The following DNAH7 variants were observed in gnomAD, a reference collection of about 807,000 sequenced individuals.
The protein encoded by DNAH7 is dynein axonemal heavy chain 7.
In DNAH7, 397 loss-of-function variants were observed where a neutral mutation model predicts 444.6. That is an observed-to-expected ratio of 0.89 (90% CI 0.82 to 0.97). DNAH7 has a LOEUF of 0.97. DNAH7 is among the 50% of genes least tolerant of loss of function. The pLI is 0.00. For synonymous variants in DNAH7, 1,636 were observed against 1,624.4 expected, an observed-to-expected ratio of 1.01 and a Z score of -0.17; for missense variants, 4,902 against 4,800.8, an observed-to-expected ratio of 1.02 and a Z score of -0.62.
At chr2:195,992,608 A>G (rs535539387) in intron 12 of DNAH7, among the ~76,000 whole-genome samples, 1 of 152,348 alleles carries the variant, frequency 6.6e-6, no homozygotes, top group Non-Finnish European at 1.5e-5. Context: ...GGTCAGGCAC[A>G]TAGCATTTCA....
chr2:195,763,815 T>C (rs1694452359), intron 61 of DNAH7, among the ~76,000 whole-genome samples: 1 of 151,836 alleles, frequency 6.6e-6, no homozygotes, highest in Admixed American at 6.6e-5. Context: ...TAAAGAAGAA[T>C]ACCAATCCTA....
chr2:195,899,589 TA>T (rs1318900283), intron 28 of DNAH7, among the ~76,000 whole-genome samples: 2 of 152,232 alleles, frequency 1.3e-5, no homozygotes, highest in African/African-American at 2.4e-5. Flanking sequence ...TTATGGAAGA[TA>T]AAAATGCATC....
At chr2:195,778,695 T>C (rs13021146) in intron 58 of DNAH7, among the ~76,000 whole-genome samples, 10 of 89,830 alleles carry the variant, frequency 1.1e-4, no homozygotes, top group African/African-American at 3.3e-4. Context: ...TATATACACA[T>C]ATATATATAC....
At chr2:195,957,471 CTTA>C in intron 18 of DNAH7, 24 bp from the exon 19 acceptor site, 3 of 1,471,894 alleles carry the variant, frequency 2.0e-6, no homozygotes, top group Non-Finnish European at 2.7e-6. Context: ...CACAGTGGCT[CTTA>C]CTGACAGCAA....
At chr2:195,825,713 G>T (rs1176231040) in intron 48 of DNAH7, among the ~76,000 whole-genome samples, 1 of 152,196 alleles carries the variant, frequency 6.6e-6, no homozygotes, top group Non-Finnish European at 1.5e-5. Context: ...TGTTTGGGAT[G>T]CTATCATAGC....
chr2:196,031,930 C>T (rs963526858), intron 5 of DNAH7, among the ~76,000 whole-genome samples: 1 of 152,220 alleles, frequency 6.6e-6, no homozygotes, highest in African/African-American at 2.4e-5. Context: ...GTTGCTTCCA[C>T]ATTTTCACAT....
At chr2:195,929,815 A>G (rs1290121977) in intron 21 of DNAH7, among the ~76,000 whole-genome samples, 2 of 152,260 alleles carry the variant, frequency 1.3e-5, no homozygotes, top group East Asian at 3.8e-4. Flanking sequence ...GGTCTTGGGA[A>G]AGTATTTATG....
At chr2:195,930,138 A>G (rs988276808) in intron 21 of DNAH7, among the ~76,000 whole-genome samples, 1 of 152,120 alleles carries the variant, frequency 6.6e-6, no homozygotes, top group Non-Finnish European at 1.5e-5. Context: ...AGGTCAAGAG[A>G]TTGAGACCAT....
intron 21 of DNAH7, among the ~76,000 whole-genome samples, chr2:195,926,894 T>C (rs1688369475): frequency 1.3e-5 from 2 of 152,094 alleles, no homozygotes; most frequent in Non-Finnish European, 2.9e-5. Flanking sequence ...TGAGCAATTT[T>C]ACTGCAAAAT....
chr2:196,000,761 G>A lies in DNAH7; in HGVS notation c.1296C>T (p.Val432=). Reference sequence around the variant, plus strand: ...GCACAAAACTGACAGCTTTAATCATGACGTCATAAACATTTAGAAAGATAT... The same window carrying A: ...GCACAAAACTGACAGCTTTAATCATAACGTCATAAACATTTAGAAAGATAT... ...YIDIFLNVYD[V]MIKAVSFVPR... is the part of the protein sequence containing the mutation. Residue 432 remains valine, a synonymous_variant, in exon 12 of 65, where the codon GTC becomes GTT. Coordinates refer to ENST00000312428, the MANE Select transcript of DNAH7 (RefSeq NM_018897.3). The A allele has an allele frequency of 6.3e-7, 1 of 1,594,082 alleles. No individual in the cohort carries two copies. The highest frequency in any genetic ancestry group is 1.7e-4 in the Middle Eastern group (1 of 5,990).
At position 195,766,167 on chromosome 2, in the gene DNAH7, A is replaced by ATTTTTTTTTTTTTTTTTT. The variant is rs755912873; in HGVS notation, c.11433+5475_11433+5492dup. ...GTTCTCGTTTAATTTGTGGGAGCTAATTTTTTTTTTTTTTTTTTTTTTTTG... is the reference window on the plus strand; with the variant it reads ...GTTCTCGTTTAATTTGTGGGAGCTAATTTTTTTTTTTTTTTTTTTTTTTTTTTTTTTTTTTTTTTTTTG... On this transcript the variant is annotated intron_variant, in intron 61 of 64. Transcript: ENST00000312428. Among the ~76,000 whole-genome samples, 304 of 57,322 alleles carry ATTTTTTTTTTTTTTTTTT rather than the reference A, an allele frequency of 5.3e-3. 73 individuals carry two copies. The highest frequency in any genetic ancestry group is 0.012 in the Middle Eastern group (1 of 84). The allele number at this position is 57,322 out of a possible 152,430, so 37.6% of individuals were successfully genotyped here.
rs569407480 is a variant in DNAH7, at chr2:196,007,588, C to T, written c.989+5199G>A. Among the ~76,000 whole-genome samples the T allele has an allele frequency of 2.6e-5, 4 of 152,278 alleles. No individual in the cohort carries two copies. In the South Asian group the frequency reaches 8.3e-4, roughly 32 times the overall value. ...AAATCTCACCTTGAATTGTAATAAT[C>T]TCCATGTGTCAAAGCTGAGACCAGT... On this transcript the variant is annotated intron_variant, in intron 10 of 64. Coordinates refer to ENST00000312428, the MANE Select transcript of DNAH7 (RefSeq NM_018897.3).
At position 195,855,738 on chromosome 2, in the gene DNAH7, T is replaced by C. The variant is rs1160823411; in HGVS notation, c.8595+73A>G. 5 of 1,524,136 alleles carry C rather than the reference T, an allele frequency of 3.3e-6. No homozygotes were observed. The South Asian group carries it at 3.7e-5, about 11-fold the overall frequency. The allele number at this position is 1,524,136 out of a possible 1,614,324, so 94.4% of individuals were successfully genotyped here. A position where few individuals can be genotyped will look rare whatever the true frequency, so the allele number is the denominator to read the frequency against. On this transcript the variant is annotated intron_variant, in intron 45 of 64. Transcript: ENST00000312428. ...GGAAGGAAACAGGACTGGTGTGTTA[T>C]GTGCTAGTACGAACATCATTCTTAG...
In DNAH7 at chr2:195,875,558, A is replaced by G. The variant is rs1700999770; in HGVS notation, c.6286+117T>C. On this transcript the variant is annotated intron_variant, in intron 38 of 64. Coordinates refer to ENST00000312428, the MANE Select transcript of DNAH7 (RefSeq NM_018897.3). Reference sequence around the variant, plus strand: ...CTCTGTTAGGTCACAATAGATACACATAGAAAACATATACACAAAACACTG... The same window carrying G: ...CTCTGTTAGGTCACAATAGATACACGTAGAAAACATATACACAAAACACTG... 10 of 968,896 alleles carry G rather than the reference A, an allele frequency of 1.0e-5. No individual in the cohort carries two copies. The Middle Eastern group carries it at 1.0e-3, about 97-fold the overall frequency. 60.0% of individuals were successfully genotyped at this position (968,896 alleles called of 1,614,324 possible). A position where few individuals can be genotyped will look rare whatever the true frequency, so the allele number is the denominator to read the frequency against.
At position 196,005,307 on chromosome 2, in the gene DNAH7, A is replaced by ATAT. The variant is rs1553603510; in HGVS notation, c.990-3450_990-3449insATA. On this transcript the variant is annotated intron_variant, in intron 10 of 64. Transcript: ENST00000312428. The stretch of plus-strand genomic sequence containing the variant: ...ACAAACAAACAAACAAACAAACAAA[A>ATAT]ATATATATATATATATAACTAAACT... Among the ~76,000 whole-genome samples the ATAT allele has an allele frequency of 6.3e-3, 940 of 148,116 alleles. 5 individuals carry two copies. Among genetic ancestry groups the ATAT allele is most frequent in the African/African-American group, 0.022 (890 of 40,022 alleles).
chr2:195,771,565 T>C (rs1574406166), intron 61 of DNAH7, 95 bp downstream of exon 61: 1 of 914,428 alleles, frequency 1.1e-6, no homozygotes, highest in East Asian at 2.5e-5. Context: ...CCCAAAACAG[T>C]GCTTATACAG....
intron 63 of DNAH7, among the ~76,000 whole-genome samples, chr2:195,747,431 C>T (rs911724739): frequency 6.6e-6 from 1 of 152,206 alleles, no homozygotes; most frequent in Non-Finnish European, 1.5e-5. Context: ...TGGTACCATT[C>T]CTTCTGAAAC....
chr2:195,749,933 GTAAC>G (rs1693692023), intron 63 of DNAH7, among the ~76,000 whole-genome samples: 1 of 151,702 alleles, frequency 6.6e-6, no homozygotes, highest in Admixed American at 6.6e-5. Flanking sequence ...GTATACATAT[GTAAC>G]TAACCTGCAC....
At chr2:195,917,101 CAAAAAAAAAA>C (rs34903739) in intron 24 of DNAH7, among the ~76,000 whole-genome samples, 1 of 53,366 alleles carries the variant, frequency 1.9e-5, no homozygotes, top group South Asian at 8.0e-4. Flanking sequence ...GACTCCACCT[CAAAAAAAAAA>C]AAAAAAAAAA....
Sources: allele counts gnomAD v4.1 joint callset (sites outside exome capture counted in the v4.1 genomes callset), GRCh38; gene constraint gnomAD v4.1.1; transcripts MANE v1.5; gene names NCBI Gene and HGNC (gene_info 2026-07-23, HGNC 2026-07-21).